Variants in POU2F1 observed in about 807,000 individuals in gnomAD.
POU2F1 encodes POU domain, class 2, transcription factor 1.
A neutral mutation model predicts 84.9 loss-of-function variants in POU2F1; 16 were observed. That is an observed-to-expected ratio of 0.19 (90% CI 0.13 to 0.29). The LOEUF (loss-of-function observed/expected upper bound fraction) is 0.29. Among genes scored for constraint, POU2F1 ranks in the 10% least tolerant of loss-of-function variants. The probability of loss-of-function intolerance (pLI) is 1.00; values close to 1 mark genes in which losing one functional copy is unlikely to be tolerated. For synonymous variants in POU2F1, 368 were observed against 368.3 expected, an observed-to-expected ratio of 1.00 and a Z score of 0.01; for missense variants, 738 against 942.6, an observed-to-expected ratio of 0.78 and a Z score of 2.84.
At chr1:167,239,469 A>G (rs953306913) in intron 1 of POU2F1, among the ~76,000 whole-genome samples, 3 of 152,188 alleles carry the variant, frequency 2.0e-5, no homozygotes, top group African/African-American at 7.2e-5. Context: ...TCAAGGGGTA[A>G]TTTTAATTCG....
chr1:167,416,473 C>T lies in POU2F1; in HGVS notation c.*663C>T, dbSNP rs1159670871. The T allele has an allele frequency of 1.2e-5, 2 of 161,740 alleles. No homozygotes were observed. Among genetic ancestry groups the T allele is most frequent in the African/African-American group, 4.8e-5 (2 of 41,526 alleles). The allele number at this position is 161,740 out of a possible 1,614,324, so 10.0% of individuals were successfully genotyped here. Reference sequence around the variant, plus strand: ...GATCCTATTTCAGTGAGCTCCCACACTGTGGGGAGGGAGGGTTTTGGGGTA... The same window carrying T: ...GATCCTATTTCAGTGAGCTCCCACATTGTGGGGAGGGAGGGTTTTGGGGTA... On this transcript the variant is annotated 3_prime_UTR_variant, in exon 16 of 16. Coordinates refer to ENST00000367866, the MANE Select transcript of POU2F1 (RefSeq NM_002697.4).
chr1:167,318,707 CAG>C (rs1273733911), intron 1 of POU2F1, among the ~76,000 whole-genome samples: 11 of 152,164 alleles, frequency 7.2e-5, no homozygotes. Flanking sequence ...CTTTCTCAAA[CAG>C]ATAGGCGGAC....
intron 1 of POU2F1, among the ~76,000 whole-genome samples, chr1:167,282,494 C>G (rs1653229321): frequency 6.6e-6 from 1 of 152,150 alleles, no homozygotes. Context: ...CTCCTAAAAC[C>G]ACTCAGCTTT....
intron 2 of POU2F1, among the ~76,000 whole-genome samples, chr1:167,355,206 G>T (rs1250127895): frequency 6.8e-6 from 1 of 146,624 alleles, no homozygotes; most frequent in African/African-American, 2.5e-5. Context: ...AATGTGTCTA[G>T]TTTTTTGTTT....
intron 2 of POU2F1, among the ~76,000 whole-genome samples, chr1:167,332,803 T>C (rs901380269): frequency 2.0e-5 from 3 of 152,212 alleles, no homozygotes; most frequent in Non-Finnish European, 2.9e-5. Context: ...CAGATAGTTT[T>C]GGATATGAAA....
intron 1 of POU2F1, among the ~76,000 whole-genome samples, chr1:167,240,216 G>A (rs1571145232): frequency 6.6e-6 from 1 of 152,096 alleles, no homozygotes; most frequent in Admixed American, 6.5e-5. Context: ...CCCAGTAGTC[G>A]AAGTGTATGA....
intron 13 of POU2F1, among the ~76,000 whole-genome samples, chr1:167,405,738 A>G (rs930870561): frequency 2.0e-5 from 3 of 152,180 alleles, no homozygotes; most frequent in Non-Finnish European, 4.4e-5. Flanking sequence ...AGCACTATCA[A>G]CCAACTTGTT....
chr1:167,332,438 TA>T (rs1341004186), intron 1 of POU2F1, 31 bp from the exon 2 acceptor site: 9 of 1,572,744 alleles, frequency 5.7e-6, no homozygotes, highest in Non-Finnish European at 7.9e-6. Flanking sequence ...CCCAGTTTTT[TA>T]AAAACCTTAT....
At chr1:167,270,345 A>G (rs1175371535) in intron 1 of POU2F1, among the ~76,000 whole-genome samples, 1 of 151,958 alleles carries the variant, frequency 6.6e-6, no homozygotes, top group Non-Finnish European at 1.5e-5. Flanking sequence ...ATGGACCCTG[A>G]ATATTGCTTT....
At chr1:167,225,605 G>A (rs890693022) in intron 1 of POU2F1, among the ~76,000 whole-genome samples, 5 of 152,320 alleles carry the variant, frequency 3.3e-5, no homozygotes, top group Admixed American at 3.3e-4. Flanking sequence ...AATATCTTAG[G>A]CAGGTGGTTC....
At chr1:167,341,877 A>G (rs1386685436) in intron 2 of POU2F1, among the ~76,000 whole-genome samples, 1 of 152,056 alleles carries the variant, frequency 6.6e-6, no homozygotes, top group Non-Finnish European at 1.5e-5. Context: ...ATGGATGGGG[A>G]GCTGGAAAGG....
At chr1:167,236,116 T>G (rs963939494) in intron 1 of POU2F1, among the ~76,000 whole-genome samples, 1 of 152,178 alleles carries the variant, frequency 6.6e-6, no homozygotes, top group Non-Finnish European at 1.5e-5. Context: ...GACATCTTTT[T>G]TTTTTTAGAC....
chr1:167,342,721 G>A (rs1279298637), intron 2 of POU2F1, among the ~76,000 whole-genome samples: 2 of 151,960 alleles, frequency 1.3e-5, no homozygotes, highest in East Asian at 1.9e-4. Flanking sequence ...AGACACTTAA[G>A]GATTATTTTC....
At chr1:167,407,198 A>G (rs866248666) in intron 13 of POU2F1, among the ~76,000 whole-genome samples, 2 of 151,616 alleles carry the variant, frequency 1.3e-5, no homozygotes, top group Middle Eastern at 3.2e-3. Flanking sequence ...CCCAGCTAAT[A>G]TTTGTATTTT....
intron 1 of POU2F1, among the ~76,000 whole-genome samples, chr1:167,280,957 A>G (rs1447894689): frequency 6.6e-6 from 1 of 152,190 alleles, no homozygotes; most frequent in Non-Finnish European, 1.5e-5. Flanking sequence ...ACTAATGTAA[A>G]TCATATTTTC....
At chr1:167,351,519 C>CAAAAAAAAAAAA (rs34170498) in intron 2 of POU2F1, among the ~76,000 whole-genome samples, 3 of 45,994 alleles carry the variant, frequency 6.5e-5, no homozygotes, top group East Asian at 8.0e-4. Context: ...AGCACCATCT[C>CAAAAAAAAAAAA]AAAAAAAAAA....
intron 1 of POU2F1, among the ~76,000 whole-genome samples, chr1:167,227,890 T>A (rs2102331758): frequency 6.6e-6 from 1 of 152,352 alleles, no homozygotes; most frequent in East Asian, 1.9e-4. Flanking sequence ...GGAAGGTAAT[T>A]TAGATATAAT....
At position 167,419,984 on chromosome 1, in the gene POU2F1, G is replaced by A. The variant is rs761093450; in HGVS notation, c.*4174G>A. On this transcript the variant is annotated 3_prime_UTR_variant, in exon 16 of 16. Coordinates refer to ENST00000367866, the MANE Select transcript of POU2F1 (RefSeq NM_002697.4). The stretch of plus-strand genomic sequence containing the variant: ...AAAAGCACAACTATACCTCTTTAAT[G>A]TTATTTTCTTCCATTATCCCTCATT... 6.6e-6 allele frequency: 1 copy of A among 152,100 alleles called. No individual in the cohort carries two copies. The highest frequency in any genetic ancestry group is 1.5e-5 in the Non-Finnish European group (1 of 68,014). The allele number at this position is 152,100 out of a possible 1,614,324, so 9.4% of individuals were successfully genotyped here.
At position 167,350,900 on chromosome 1, in the gene POU2F1, A is replaced by G. The variant is rs144152278; in HGVS notation, c.128-14567A>G. 3.8e-3 allele frequency among the ~76,000 whole-genome samples: 577 copies of G among 152,150 alleles called. 3 individuals carry two copies. The highest frequency in any genetic ancestry group is 0.013 in the African/African-American group (555 of 41,494). ...GTAATCCCAGCTACTAGGGAGGCTG[A>G]GACAGGAGAATCGCTTGAACCCGGG... On this transcript the variant is annotated intron_variant, in intron 2 of 15. Coordinates refer to ENST00000367866, the MANE Select transcript of POU2F1 (RefSeq NM_002697.4).
Sources: gnomAD v4.1 joint callset for allele counts (sites outside exome capture counted in the v4.1 genomes callset) on GRCh38, gnomAD v4.1.1 for gene constraint, MANE v1.5 for transcripts, NCBI Gene and HGNC (gene_info 2026-07-23, HGNC 2026-07-21) for gene names.